Variants in CFH observed in about 807,000 individuals in gnomAD.
The protein encoded by CFH is H factor 1 (complement).
Under a neutral mutation model 147.3 loss-of-function variants are expected in CFH, and 53 were observed. That is an observed-to-expected ratio of 0.36 (90% confidence interval 0.29 to 0.45). The LOEUF is 0.45. Ranked by LOEUF, CFH falls within the 20% of genes least tolerant of loss-of-function variation. The pLI is 1.00. For synonymous variants in CFH, 536 were observed against 489.4 expected (o/e 1.10, Z -1.26); for missense variants, 1,380 against 1,498.0 (o/e 0.92, Z 1.30).
intron 9 of CFH, among the ~76,000 whole-genome samples, chr1:196,709,401 G>A (rs908176211): frequency 3.3e-5 from 5 of 151,990 alleles, no homozygotes; most frequent in Admixed American, 6.6e-5. Context: ...GTTACAAGAC[G>A]GTTTCATTCC....
At chr1:196,713,595 C>A in intron 9 of CFH, 140 bp from the exon 10 acceptor site, 1 of 581,232 alleles carries the variant, frequency 1.7e-6, no homozygotes, top group Non-Finnish European at 3.0e-6. Context: ...TTTTCCTTGA[C>A]TTAAGTATTT....
chr1:196,702,788 C>T (rs1294388723), intron 9 of CFH, among the ~76,000 whole-genome samples: 1 of 152,240 alleles, frequency 6.6e-6, no homozygotes, highest in Non-Finnish European at 1.5e-5. Flanking sequence ...ATAGATCTAA[C>T]CTTGAACACT....
chr1:196,726,966 A>G (rs956104839), intron 14 of CFH, 26 bp downstream of exon 14: 2 of 1,597,240 alleles, frequency 1.3e-6, no homozygotes, highest in African/African-American at 2.7e-5. Context: ...TTAAATCAAC[A>G]TTTAACAAAG....
chr1:196,670,151 C>T (rs1435298807), intron 1 of CFH, among the ~76,000 whole-genome samples: 1 of 152,166 alleles, frequency 6.6e-6, no homozygotes, highest in African/African-American at 2.4e-5. Flanking sequence ...CCTGTATTCC[C>T]ATTGTATCTT....
rs553033733 is a variant in CFH at position 196,655,761 on chromosome 1, T to G, written c.58+3586T>G. On this transcript the variant is annotated intron_variant, in intron 1 of 21. Coordinates refer to ENST00000367429, the MANE Select transcript of CFH (RefSeq NM_000186.4). ...GTTAACTAACGTGTACTTTACCCAT[T>G]TCTTCACAAAACCATAGTACATGGA... 1.5e-3 allele frequency among the ~76,000 whole-genome samples: 222 copies of G among 152,266 alleles called. 2 individuals carry two copies. The highest frequency in any genetic ancestry group is 5.0e-3 in the African/African-American group (209 of 41,554).
intron 1 of CFH, among the ~76,000 whole-genome samples, chr1:196,671,944 G>A (rs1405814887): frequency 6.6e-6 from 1 of 150,806 alleles, no homozygotes; most frequent in Non-Finnish European, 1.5e-5. Flanking sequence ...CTGCTGTTTT[G>A]ACATCTGCTC....
chr1:196,671,664 A>ATGTATATATTTATACATATATATAT lies in CFH; in HGVS notation c.59-1314_59-1313insTGTATATATTTATACATATATATAT, dbSNP rs968796198. ...ATACACATATATATACATAAATATA[A>ATGTATATATTTATACATATATATAT]ATATGTGTATATATATATACTATAT... On this transcript the variant is annotated intron_variant, in intron 1 of 21. Coordinates refer to ENST00000367429, the MANE Select transcript of CFH (RefSeq NM_000186.4). Among the ~76,000 whole-genome samples the ATGTATATATTTATACATATATATAT allele has an allele frequency of 1.4e-3, 203 of 148,910 alleles. 2 individuals are homozygous for ATGTATATATTTATACATATATATAT. Among genetic ancestry groups the ATGTATATATTTATACATATATATAT allele is most frequent in the African/African-American group, 4.8e-3 (195 of 40,752 alleles).
At chr1:196,656,201 G>A (rs775379523) in intron 1 of CFH, among the ~76,000 whole-genome samples, 2 of 151,912 alleles carry the variant, frequency 1.3e-5, no homozygotes, top group Non-Finnish European at 2.9e-5. Context: ...CTACTCAGGA[G>A]GCTGAGGCAG....
intron 8 of CFH, 135 bp from the exon 9 acceptor site, chr1:196,689,928 G>T: frequency 9.6e-7 from 1 of 1,043,922 alleles, no homozygotes; most frequent in South Asian, 1.8e-5. Flanking sequence ...ACTTTAGTTC[G>T]TCTTCAGTTA....
chr1:196,714,668 T>TATAGAGAGAGAGAG (rs1362376856), intron 10 of CFH, among the ~76,000 whole-genome samples: 1 of 21,312 alleles, frequency 4.7e-5, no homozygotes, highest in Non-Finnish European at 8.4e-5. Flanking sequence ...TATATATATA[T>TATAGAGAGAGAGAG]AGAGAGAGAG....
chr1:196,676,653 A>G (rs1667465593), intron 4 of CFH, among the ~76,000 whole-genome samples: 1 of 152,138 alleles, frequency 6.6e-6, no homozygotes, highest in African/African-American at 2.4e-5. Flanking sequence ...AATAAAAGAA[A>G]TCAACCAGAG....
intron 9 of CFH, among the ~76,000 whole-genome samples, chr1:196,693,749 C>A (rs1668148803): frequency 6.6e-6 from 1 of 152,018 alleles, no homozygotes; most frequent in African/African-American, 2.4e-5. Context: ...ATCACACTAC[C>A]CAGAACACCT....
chr1:196,692,565 TTC>T (rs1313983397), intron 9 of CFH, among the ~76,000 whole-genome samples: 4 of 84,184 alleles, frequency 4.8e-5, no homozygotes, highest in Non-Finnish European at 1.1e-4. Context: ...TCTTTCTTCT[TTC>T]TTTCTTTTTC....
chr1:196,660,285 G>C (rs535029113), intron 1 of CFH, among the ~76,000 whole-genome samples: 3 of 152,200 alleles, frequency 2.0e-5, no homozygotes, highest in African/African-American at 7.2e-5. Flanking sequence ...ATAAATCAGC[G>C]TGACTTTGCA....
At chr1:196,656,489 C>T (rs1282412348) in intron 1 of CFH, among the ~76,000 whole-genome samples, 1 of 151,996 alleles carries the variant, frequency 6.6e-6, no homozygotes, top group Non-Finnish European at 1.5e-5. Flanking sequence ...AAACAGTTAT[C>T]ACCTTGTCTT....
intron 3 of CFH, among the ~76,000 whole-genome samples, chr1:196,674,808 C>A (rs963751635): frequency 6.6e-6 from 1 of 152,058 alleles, no homozygotes; most frequent in Non-Finnish European, 1.5e-5. Context: ...AAAAATATAT[C>A]TCTTCACTAC....
chr1:196,691,325 G>A (rs1190482397), intron 9 of CFH, among the ~76,000 whole-genome samples: 1 of 151,932 alleles, frequency 6.6e-6, no homozygotes, highest in Non-Finnish European at 1.5e-5. Flanking sequence ...AGTACAAATG[G>A]GTATTCTGAG....
At chr1:196,727,684 C>G (rs965690126) in intron 14 of CFH, among the ~76,000 whole-genome samples, 1 of 152,132 alleles carries the variant, frequency 6.6e-6, no homozygotes, top group African/African-American at 2.4e-5. Flanking sequence ...GGATTCTTTT[C>G]TCTCTTAAAG....
intron 20 of CFH, 62 bp from the exon 21 acceptor site, chr1:196,745,755 A>G (rs1428972118): frequency 6.2e-7 from 1 of 1,612,110 alleles, no homozygotes; most frequent in South Asian, 1.1e-5. Context: ...CGTTTGCCTT[A>G]TTTGAACTTG....
Sources: allele counts gnomAD v4.1 joint callset (sites outside exome capture counted in the v4.1 genomes callset), GRCh38; gene constraint gnomAD v4.1.1; transcripts MANE v1.5; gene names NCBI Gene and HGNC (gene_info 2026-07-23, HGNC 2026-07-21).